The following TGFBRAP1 variants were observed in gnomAD, a reference collection of about 807,000 sequenced individuals.
TGFBRAP1 encodes the protein transforming growth factor beta receptor associated protein 1.
A neutral mutation model predicts 83.2 loss-of-function variants in TGFBRAP1; 20 were observed. The observed-to-expected ratio is 0.24, with a 90% CI of 0.17 to 0.35. The LOEUF is 0.35. Ranked by LOEUF, TGFBRAP1 falls within the 10% of genes least tolerant of loss-of-function variation. The pLI is 1.00. For missense variants in TGFBRAP1, 950 were observed against 1,099.4 expected (o/e 0.86, Z 1.92); for synonymous variants, 415 against 459.8 (o/e 0.90, Z 1.25).
rs775896205 is a variant in TGFBRAP1, at chr2:105,267,353, A to G, written c.*30T>C. ...TCCAGCAGGCTCAGAAAGAACTCGG[A>G]GTTCCCCTCGCACCCTTGGGCCAAG... On this transcript the variant is annotated 3_prime_UTR_variant, in exon 12 of 12. Transcript: ENST00000393359. 8 of 1,610,646 alleles carry G rather than the reference A, an allele frequency of 5.0e-6. No individual in the cohort carries two copies. The highest frequency in any genetic ancestry group is 6.8e-6 in the Non-Finnish European group (8 of 1,177,644).
intron 8 of TGFBRAP1, among the ~76,000 whole-genome samples, chr2:105,275,226 C>T (rs111652683): frequency 6.6e-6 from 1 of 152,176 alleles, no homozygotes; most frequent in African/African-American, 2.4e-5. Context: ...CAGTGTCAGA[C>T]TTCTGAGGGG....
chr2:105,308,248 C>G lies in TGFBRAP1; in HGVS notation c.54G>C (p.Leu18=), dbSNP rs745456390. 1.9e-6 allele frequency: 3 copies of G among 1,614,200 alleles called. No individual in the cohort carries two copies. The highest frequency in any genetic ancestry group is 2.5e-6 in the Non-Finnish European group (3 of 1,180,024). The change falls in exon 2 of 12, where the codon CTG becomes CTC. Residue 18 remains leucine (L), a synonymous_variant. Transcript: ENST00000393359. ...TGTTGACGCGCTCCTTGTCGCCCAT[C>G]AGCAGCTCCCGCTCCACAGCAGAGA... ...TLVSAVEREL[L]MGDKERVNIE...
chr2:105,275,306 T>C (rs1400373876), intron 8 of TGFBRAP1, among the ~76,000 whole-genome samples: 1 of 152,222 alleles, frequency 6.6e-6, no homozygotes, highest in Non-Finnish European at 1.5e-5. Flanking sequence ...TATGTCTTGC[T>C]TTTCTATACA....
At chr2:105,289,109 G>C (rs1677815084) in intron 4 of TGFBRAP1, among the ~76,000 whole-genome samples, 1 of 152,092 alleles carries the variant, frequency 6.6e-6, no homozygotes, top group Non-Finnish European at 1.5e-5. Flanking sequence ...AAGCACAAAA[G>C]GTGGTCAATT....
chr2:105,258,113 C>T, the TGFBRAP1 span, among the ~76,000 whole-genome samples: 1 of 152,212 alleles, frequency 6.6e-6, no homozygotes, highest in East Asian at 1.9e-4. Flanking sequence ...GCTAATTCTG[C>T]AGTTGCATGA....
chr2:105,316,466 C>CGCGCGCGCGT (rs1678873108), intron 1 of TGFBRAP1, among the ~76,000 whole-genome samples: 1 of 67,512 alleles, frequency 1.5e-5, no homozygotes, highest in African/African-American at 5.8e-5. Flanking sequence ...TGTGTGTGCG[C>CGCGCGCGCGT]GCGCGCGCGC....
chr2:105,296,754 GC>G (rs1678103504), intron 3 of TGFBRAP1, among the ~76,000 whole-genome samples: 1 of 65,408 alleles, frequency 1.5e-5, no homozygotes, highest in South Asian at 4.9e-4. Context: ...TTCTTTTTTT[GC>G]CTTTTTTTTT....
chr2:105,257,516 T>C, the TGFBRAP1 span, among the ~76,000 whole-genome samples: 2 of 152,202 alleles, frequency 1.3e-5, no homozygotes, highest in African/African-American at 2.4e-5. Flanking sequence ...ACACAGTATG[T>C]GTCCTTTTGT....
In TGFBRAP1 at chr2:105,267,248, TG is replaced by T; in HGVS notation, c.*134del. 1.7e-6 allele frequency: 2 copies of T among 1,186,168 alleles called. No individual in the cohort carries two copies. Among genetic ancestry groups the T allele is most frequent in the Non-Finnish European group, 2.3e-6 (2 of 861,548 alleles). 73.5% of individuals were successfully genotyped at this position (1,186,168 alleles called of 1,614,324 possible). ...AGCAGCGAGGAGTCCTTGTTGCGTA[TG>T]GACGGAAGGCTCCCTGGCACCCAGA... On this transcript the variant is annotated 3_prime_UTR_variant, in exon 12 of 12. Coordinates refer to ENST00000393359, the MANE Select transcript of TGFBRAP1 (RefSeq NM_004257.6).
intron 11 of TGFBRAP1, among the ~76,000 whole-genome samples, chr2:105,268,266 TG>T (rs1353219514): frequency 1.3e-5 from 2 of 152,198 alleles, no homozygotes; most frequent in African/African-American, 4.8e-5. Context: ...GCCTTCGACA[TG>T]GCAGGCTTAG....
chr2:105,289,779 C>T (rs927838117), intron 4 of TGFBRAP1, among the ~76,000 whole-genome samples: 1 of 152,124 alleles, frequency 6.6e-6, no homozygotes, highest in African/African-American at 2.4e-5. Flanking sequence ...TTTGTTATTT[C>T]GAATTTCAGT....
intron 1 of TGFBRAP1, among the ~76,000 whole-genome samples, chr2:105,310,520 T>C (rs1044624758): frequency 1.3e-5 from 2 of 151,912 alleles, no homozygotes; most frequent in Non-Finnish European, 2.9e-5. Context: ...GGAAAAGAGC[T>C]GGGGGAAGTG....
Position 105,267,265 on chromosome 2 carries a change from G to A in TGFBRAP1, c.*118C>T. ...GTTGCGTATGGACGGAAGGCTCCCT[G>A]GCACCCAGATGTCTCCCTTCGTCCT... On this transcript the variant is annotated 3_prime_UTR_variant, in exon 12 of 12. Transcript: ENST00000393359. The A allele has an allele frequency of 2.9e-6, 4 of 1,367,270 alleles. No individual in the cohort carries two copies. The highest frequency in any genetic ancestry group is 3.9e-6 in the Non-Finnish European group (4 of 1,014,648). 84.7% of individuals were successfully genotyped at this position (1,367,270 alleles called of 1,614,324 possible).
chr2:105,279,302 G>T (rs2104332492), intron 6 of TGFBRAP1, among the ~76,000 whole-genome samples: 1 of 152,138 alleles, frequency 6.6e-6, no homozygotes, highest in Non-Finnish European at 1.5e-5. Flanking sequence ...TCTGTCTCCA[G>T]GCTGGAATGC....
chr2:105,316,918 C>T (rs564633411), intron 1 of TGFBRAP1, among the ~76,000 whole-genome samples: 5 of 152,028 alleles, frequency 3.3e-5, no homozygotes, highest in South Asian at 2.1e-4. Context: ...AATCAAAAAC[C>T]GTGGTAATTA....
the TGFBRAP1 span, among the ~76,000 whole-genome samples, chr2:105,250,112 T>C: frequency 6.6e-6 from 1 of 152,164 alleles, no homozygotes; most frequent in Non-Finnish European, 1.5e-5. Context: ...GCGATTGCCA[T>C]GGTCAAAGAG....
At chr2:105,313,897 A>C (rs1463391755) in intron 1 of TGFBRAP1, among the ~76,000 whole-genome samples, 2 of 152,132 alleles carry the variant, frequency 1.3e-5, no homozygotes, top group African/African-American at 2.4e-5. Flanking sequence ...CTTTTGAAAC[A>C]AGGAACAAGA....
chr2:105,295,623 C>A (rs540596096), intron 4 of TGFBRAP1, among the ~76,000 whole-genome samples: 1 of 151,926 alleles, frequency 6.6e-6, no homozygotes, highest in South Asian at 2.1e-4. Context: ...CCATCCTGGC[C>A]AACATGGTGA....
chr2:105,268,631 G>A (rs1677028113), intron 11 of TGFBRAP1, among the ~76,000 whole-genome samples: 2 of 152,216 alleles, frequency 1.3e-5, no homozygotes, highest in East Asian at 3.8e-4. Flanking sequence ...GCTGAAGGAG[G>A]TGGGACTGCA....
Sources: allele counts gnomAD v4.1 joint callset (sites outside exome capture counted in the v4.1 genomes callset), GRCh38; gene constraint gnomAD v4.1.1; transcripts MANE v1.5; gene names NCBI Gene and HGNC (gene_info 2026-07-23, HGNC 2026-07-21).